The following PATJ variants were observed in gnomAD, a reference collection of about 807,000 sequenced individuals.
PATJ encodes inaD-like protein.
PATJ carries 190 observed loss-of-function variants against 224.9 expected under a neutral mutation model. The ratio of observed to expected loss-of-function variants is 0.84; its 90% CI spans 0.75 to 0.95. The LOEUF is 0.95. Among genes scored for constraint, PATJ ranks in the 40% least tolerant of loss-of-function variants. The pLI, the probability that PATJ is intolerant of heterozygous loss-of-function variation, is 0.00. For missense variants in PATJ, 2,121 were observed against 2,270.3 expected (o/e 0.93, Z 1.34); for synonymous variants, 769 against 820.3 (o/e 0.94, Z 1.07).
At chr1:62,144,777 A>AAAATATATATATATATATATATATAT (rs377489788) in intron 41 of PATJ, among the ~76,000 whole-genome samples, 1 of 119,098 alleles carries the variant, frequency 8.4e-6, no homozygotes, top group Non-Finnish European at 1.7e-5. Flanking sequence ...AAAAAAAAAA[A>AAAATATATATATATATATATATATAT]ATATATATAT....
At chr1:61,849,117 G>A (rs1227609874) in intron 17 of PATJ, among the ~76,000 whole-genome samples, 3 of 152,188 alleles carry the variant, frequency 2.0e-5, no homozygotes, top group African/African-American at 7.2e-5. Context: ...TTGTTGGTTG[G>A]TAGATTGTTT....
At chr1:61,931,127 G>T (rs1025633562) in intron 27 of PATJ, among the ~76,000 whole-genome samples, 1 of 152,176 alleles carries the variant, frequency 6.6e-6, no homozygotes, top group African/African-American at 2.4e-5. Context: ...TCACACACTA[G>T]TCTAAAGCAT....
At chr1:61,807,831 G>T (rs747414643) in intron 13 of PATJ, among the ~76,000 whole-genome samples, 14 of 152,316 alleles carry the variant, frequency 9.2e-5, no homozygotes, top group Middle Eastern at 3.4e-3. Flanking sequence ...AGTTACAGAT[G>T]CAAATCATCA....
chr1:61,869,780 C>G (rs1242684133), intron 20 of PATJ, among the ~76,000 whole-genome samples: 1 of 152,206 alleles, frequency 6.6e-6, no homozygotes, highest in Non-Finnish European at 1.5e-5. Flanking sequence ...TGCTTTGGCA[C>G]TGGCAAGAGT....
intron 33 of PATJ, among the ~76,000 whole-genome samples, chr1:62,092,989 C>T (rs183661284): frequency 0.016 from 2,425 of 152,010 alleles, 34 homozygotes; most frequent in Non-Finnish European, 0.022. Flanking sequence ...GCAATCCGCC[C>T]GCCTCAGCCT....
chr1:61,927,873 A>G, intron 27 of PATJ, 44 bp downstream of exon 27: 1 of 1,325,690 alleles, frequency 7.5e-7, no homozygotes, highest in Non-Finnish European at 1.1e-6. Context: ...GAACTTATTA[A>G]ATTATGTTTT....
At chr1:62,108,114 C>T (rs188946782) in intron 33 of PATJ, among the ~76,000 whole-genome samples, 1 of 152,238 alleles carries the variant, frequency 6.6e-6, no homozygotes, top group Non-Finnish European at 1.5e-5. Flanking sequence ...TTTCAAAATA[C>T]ACTATAAAAT....
Position 62,080,791 on chromosome 1 carries a change from G to T in PATJ, c.4243+1224G>T, listed in dbSNP as rs1200431932. Among the ~76,000 whole-genome samples the T allele has an allele frequency of 1.0e-4, 12 of 114,390 alleles. No individual in the cohort carries two copies. In the Admixed American group the frequency reaches 1.2e-3, roughly 11 times the overall value. The allele number at this position is 114,390 out of a possible 152,430, so 75.0% of individuals were successfully genotyped here. A position where few individuals can be genotyped will look rare whatever the true frequency, so the allele number is the denominator to read the frequency against. On this transcript the variant is annotated intron_variant, in intron 32 of 43. Transcript: ENST00000642238. ...TTTTCATAAATATTAACTTCATAAA[G>T]TTCATCAAGCAGGTACTATTTTAAA... is the stretch of plus-strand genomic sequence containing the variant.
chr1:61,946,250 A>T (rs1427121913), intron 27 of PATJ, among the ~76,000 whole-genome samples: 1 of 152,130 alleles, frequency 6.6e-6, no homozygotes, highest in African/African-American at 2.4e-5. Flanking sequence ...GACACAAAAA[A>T]CCCTTCAAAA....
At chr1:62,154,399 T>G (rs188380834) in intron 43 of PATJ, among the ~76,000 whole-genome samples, 18 of 152,186 alleles carry the variant, frequency 1.2e-4, no homozygotes, top group African/African-American at 4.3e-4. Context: ...CTGGGCATAG[T>G]GGCTCACGTC....
intron 43 of PATJ, among the ~76,000 whole-genome samples, chr1:62,158,268 G>C (rs1041930465): frequency 6.7e-6 from 1 of 149,402 alleles, no homozygotes; most frequent in Non-Finnish European, 1.5e-5. Context: ...AAGTAGGAGA[G>C]TAGATACATA....
intron 12 of PATJ, among the ~76,000 whole-genome samples, chr1:61,803,102 A>G (rs777555208): frequency 2.0e-5 from 3 of 152,166 alleles, no homozygotes; most frequent in Non-Finnish European, 2.9e-5. Flanking sequence ...CTGAAATTAG[A>G]TATAGTTTTA....
chr1:62,036,869 C>A (rs553120729), intron 29 of PATJ, among the ~76,000 whole-genome samples: 1 of 174 alleles, frequency 5.7e-3, no homozygotes, highest in Admixed American at 0.045. Flanking sequence ...GAGACTCCAT[C>A]TCAAAAAAAA....
intron 7 of PATJ, among the ~76,000 whole-genome samples, chr1:61,781,392 A>G (rs377153673): frequency 3.6e-4 from 55 of 152,310 alleles, no homozygotes; most frequent in African/African-American, 1.2e-3. Context: ...CCTTCTTGCT[A>G]TAACCAACTT....
chr1:61,745,318 A>G (rs755256634), intron 1 of PATJ, among the ~76,000 whole-genome samples: 42 of 152,172 alleles, frequency 2.8e-4, no homozygotes, highest in Non-Finnish European at 1.3e-4. Context: ...TCCGCTGCCC[A>G]GGCTGGAGTG....
At position 61,844,591 on chromosome 1, in the gene PATJ, C is replaced by A. The variant is rs76531672; in HGVS notation, c.2112+10806C>A. On this transcript the variant is annotated intron_variant, in intron 17 of 43. Coordinates refer to ENST00000642238, the MANE Select transcript of PATJ (RefSeq NM_001350145.3). ...ATTACCGTGTATTGTTATACTTGTT[C>A]TTTTTTTATTATTGTTATTAATCTC... Among the ~76,000 whole-genome samples the A allele has an allele frequency of 8.7e-3, 1,331 of 152,150 alleles. 14 individuals are homozygous for A. Among genetic ancestry groups the A allele is most frequent in the Non-Finnish European group, 0.012 (844 of 67,982 alleles).
chr1:62,023,844 T>C (rs1359432189), intron 29 of PATJ, among the ~76,000 whole-genome samples: 1 of 152,270 alleles, frequency 6.6e-6, no homozygotes, highest in Admixed American at 6.5e-5. Flanking sequence ...TTTTCAGAGA[T>C]GGCTCTTATC....
At chr1:61,911,092 T>G (rs537042398) in intron 25 of PATJ, among the ~76,000 whole-genome samples, 2 of 152,330 alleles carry the variant, frequency 1.3e-5, no homozygotes, top group South Asian at 4.1e-4. Context: ...TAAAAGTACC[T>G]TGGTCACATA....
intron 14 of PATJ, among the ~76,000 whole-genome samples, chr1:61,808,783 T>C (rs1462570424): frequency 3.9e-5 from 6 of 152,310 alleles, no homozygotes; most frequent in African/African-American, 1.4e-4. Flanking sequence ...TAGTCTTGCA[T>C]GTTTCCTAGA....
Sources: gnomAD v4.1 joint callset for allele counts (sites outside exome capture counted in the v4.1 genomes callset) on GRCh38, gnomAD v4.1.1 for gene constraint, MANE v1.5 for transcripts, NCBI Gene and HGNC (gene_info 2026-07-23, HGNC 2026-07-21) for gene names.